Variants in PDE1C observed in about 807,000 individuals in gnomAD.
PDE1C encodes phosphodiesterase 1C.
PDE1C carries 62 observed loss-of-function variants against 93.1 expected under a neutral mutation model. That is an observed-to-expected ratio of 0.67 (90% confidence interval 0.54 to 0.82). The LOEUF (loss-of-function observed/expected upper bound fraction) is 0.82. Ranked by LOEUF, PDE1C falls within the 40% of genes least tolerant of loss-of-function variation. PDE1C has a pLI of 0.00. For synonymous variants in PDE1C, 325 were observed against 310.1 expected (o/e 1.05, Z -0.50); for missense variants, 742 against 884.6 (o/e 0.84, Z 2.04).
At chr7:31,930,249 A>G (rs994617777) in intron 2 of PDE1C, among the ~76,000 whole-genome samples, 9 of 152,218 alleles carry the variant, frequency 5.9e-5, no homozygotes, top group Non-Finnish European at 1.3e-4. Context: ...CAAGTTCTGA[A>G]ATTGAGGCAG....
At chr7:31,643,673 GCAA>G in the PDE1C span, 3 of 1,614,040 alleles carry the variant, frequency 1.9e-6, no homozygotes, top group Non-Finnish European at 1.7e-6. Flanking sequence ...TCAGCTCTAA[GCAA>G]CAAGACCTTG....
chr7:32,117,639 G>GT (rs1327421219), intron 3 of PDE1C, among the ~76,000 whole-genome samples: 1 of 152,140 alleles, frequency 6.6e-6, no homozygotes, highest in Admixed American at 6.5e-5. Flanking sequence ...CTACATTAAT[G>GT]TCCCCTCTTT....
At chr7:31,876,690 C>G (rs1006090995) in intron 5 of PDE1C, among the ~76,000 whole-genome samples, 10 of 152,140 alleles carry the variant, frequency 6.6e-5, no homozygotes, top group African/African-American at 2.4e-4. Context: ...AGTGATTTCA[C>G]TGATTAAAAT....
At chr7:31,738,128 C>A in the PDE1C span, among the ~76,000 whole-genome samples, 1 of 152,228 alleles carries the variant, frequency 6.6e-6, no homozygotes, top group South Asian at 2.1e-4. Context: ...AGCCACGCAG[C>A]CTAGCAGGCC....
At chr7:31,667,564 G>A in the PDE1C span, among the ~76,000 whole-genome samples, 3,322 of 152,184 alleles carry the variant, frequency 0.022, 126 homozygotes, top group African/African-American at 0.076. Flanking sequence ...GCAAAACAAG[G>A]GAGATAGGCC....
At chr7:32,051,452 C>G in intron 2 of PDE1C, 102 bp downstream of exon 2, 1 of 1,131,820 alleles carries the variant, frequency 8.8e-7, no homozygotes. Context: ...GAGAAAGAAC[C>G]AAAAGCCTGT....
In PDE1C at chr7:32,420,931, T is replaced by G. The variant is rs530825328; in HGVS notation, c.310+6891A>C. 8.5e-5 allele frequency among the ~76,000 whole-genome samples: 13 copies of G among 152,268 alleles called. No individual in the cohort carries two copies. The South Asian group carries it at 2.7e-3, about 32-fold the overall frequency. ...AAATCAGTGTCTGATGTGTGCATGC[T>G]GTTTCAAAGCCCTGAATATCCATGA... On this transcript the variant is annotated intron_variant, in intron 1 of 1. Transcript: ENST00000672256.
the PDE1C span, among the ~76,000 whole-genome samples, chr7:31,686,402 G>C: frequency 6.6e-6 from 1 of 152,154 alleles, no homozygotes; most frequent in East Asian, 1.9e-4. Flanking sequence ...GAGTGCCTAC[G>C]TATTCCTAAT....
intron 3 of PDE1C, among the ~76,000 whole-genome samples, chr7:32,121,062 A>G (rs1563329949): frequency 6.6e-6 from 1 of 152,194 alleles, no homozygotes; most frequent in Non-Finnish European, 1.5e-5. Flanking sequence ...GAAAAACACA[A>G]CACAAGAACT....
the PDE1C span, among the ~76,000 whole-genome samples, chr7:31,664,461 T>C: frequency 2.0e-5 from 3 of 152,170 alleles, no homozygotes; most frequent in African/African-American, 7.2e-5. Context: ...AATTAATCAT[T>C]TGTCTGTCAG....
chr7:31,726,456 G>A, the PDE1C span, among the ~76,000 whole-genome samples: 1 of 152,060 alleles, frequency 6.6e-6, no homozygotes, highest in Admixed American at 6.5e-5. Context: ...CTTATATTGG[G>A]GGCTGGCCAG....
chr7:32,050,784 G>A (rs1285592696), intron 2 of PDE1C, among the ~76,000 whole-genome samples: 2 of 152,166 alleles, frequency 1.3e-5, no homozygotes, highest in Non-Finnish European at 2.9e-5. Context: ...CACCAAGTCA[G>A]CAAACTACAT....
At chr7:32,212,223 C>G (rs909294850) in intron 1 of PDE1C, among the ~76,000 whole-genome samples, 1 of 151,986 alleles carries the variant, frequency 6.6e-6, no homozygotes, top group Non-Finnish European at 1.5e-5. Flanking sequence ...TGTGCACATT[C>G]CTCCAAGAAT....
chr7:32,043,473 G>A (rs761225906), intron 2 of PDE1C, among the ~76,000 whole-genome samples: 7 of 152,216 alleles, frequency 4.6e-5, no homozygotes, highest in East Asian at 1.9e-4. Context: ...AATGCACTTC[G>A]GTCTTATTAG....
the PDE1C span, chr7:31,707,422 T>C: frequency 1.5e-6 from 1 of 654,246 alleles, no homozygotes; most frequent in Non-Finnish European, 2.6e-6. Context: ...CCAGGAGATG[T>C]ATGCCATCAA....
intron 16 of PDE1C, among the ~76,000 whole-genome samples, chr7:31,796,470 G>C (rs1251635164): frequency 6.6e-6 from 1 of 151,484 alleles, no homozygotes; most frequent in Non-Finnish European, 1.5e-5. Context: ...AAAGCACAAG[G>C]ACATTCACTG....
At chr7:32,311,985 T>A in intron 1 of PDE1C, among the ~76,000 whole-genome samples, 1 of 150,700 alleles carries the variant, frequency 6.6e-6, no homozygotes, top group Non-Finnish European at 1.5e-5. Flanking sequence ...GCAGATGACA[T>A]GATTGTATAT....
intron 1 of PDE1C, among the ~76,000 whole-genome samples, chr7:32,323,970 A>G (rs959741176): frequency 5.9e-5 from 9 of 152,230 alleles, no homozygotes; most frequent in Non-Finnish European, 1.2e-4. Context: ...CAAGGTACAT[A>G]CAGAGCATAG....
At chr7:31,749,884 C>T (rs112014541), downstream of PDE1C, among the ~76,000 whole-genome samples, 593 of 151,816 alleles carry the variant, frequency 3.9e-3, 1 homozygote, top group African/African-American at 0.014. Context: ...ACTACAGGCA[C>T]GTGCCACCAC....
Sources: allele counts gnomAD v4.1 joint callset (sites outside exome capture counted in the v4.1 genomes callset), GRCh38; gene constraint gnomAD v4.1.1; transcripts MANE v1.5; gene names NCBI Gene and HGNC (gene_info 2026-07-23, HGNC 2026-07-21).